The following FBXL13 variants were observed in gnomAD, a reference collection of about 807,000 sequenced individuals.
FBXL13 encodes F-box and leucine-rich repeat protein 13.
A neutral mutation model predicts 83.6 loss-of-function variants in FBXL13; 67 were observed. The ratio of observed to expected loss-of-function variants is 0.80; its 90% CI spans 0.66 to 0.98. FBXL13 has a LOEUF of 0.98. FBXL13 is among the 50% of genes least tolerant of loss of function. The pLI, the probability that FBXL13 is intolerant of heterozygous loss-of-function variation, is 0.00. For synonymous variants in FBXL13, 272 were observed against 299.5 expected (o/e 0.91, Z 0.95); for missense variants, 822 against 866.5 (o/e 0.95, Z 0.64).
At chr7:102,818,277 T>A (rs1394474170) in intron 19 of FBXL13, among the ~76,000 whole-genome samples, 1 of 152,226 alleles carries the variant, frequency 6.6e-6, no homozygotes, top group Non-Finnish European at 1.5e-5. Flanking sequence ...GAATGTAATA[T>A]AAAGGCGAAG....
intron 8 of FBXL13, among the ~76,000 whole-genome samples, chr7:102,948,753 C>A (rs891429784): frequency 2.6e-5 from 4 of 151,372 alleles, no homozygotes; most frequent in African/African-American, 9.7e-5. Context: ...GCTCTGTCAC[C>A]CAAGCTGAAG....
At chr7:103,018,440 C>A (rs1313244870) in intron 6 of FBXL13, among the ~76,000 whole-genome samples, 1 of 152,164 alleles carries the variant, frequency 6.6e-6, no homozygotes, top group Admixed American at 6.5e-5. Flanking sequence ...AACCAGCTAA[C>A]ATCATAATGA....
Position 103,072,145 on chromosome 7 carries a change from T to C in FBXL13, c.-105+2101A>G, listed in dbSNP as rs146026032. Among the ~76,000 whole-genome samples the C allele has an allele frequency of 8.7e-3, 1,314 of 151,306 alleles. 19 individuals are homozygous for C. Among genetic ancestry groups the C allele is most frequent in the African/African-American group, 0.03 (1,237 of 41,098 alleles). ...TTGCAGTGAGCTGAGATGGCACCAC[T>C]GCACTCTAGACTGGGCGACAGAGCT... is the stretch of plus-strand genomic sequence containing the variant. On this transcript the variant is annotated intron_variant, in intron 1 of 19. Transcript: ENST00000313221.
intron 15 of FBXL13, among the ~76,000 whole-genome samples, chr7:102,877,911 C>G (rs746779345): frequency 2.0e-5 from 3 of 151,976 alleles, no homozygotes; most frequent in Non-Finnish European, 4.4e-5. Context: ...AGTTAAGAAC[C>G]CTACTTATCC....
chr7:102,971,975 A>G (rs897899199), intron 6 of FBXL13, among the ~76,000 whole-genome samples: 2 of 151,942 alleles, frequency 1.3e-5, no homozygotes, highest in Non-Finnish European at 2.9e-5. Context: ...GCAGTGAGCC[A>G]AGATTGTGCC....
intron 8 of FBXL13, among the ~76,000 whole-genome samples, chr7:102,948,573 G>A (rs563862442): frequency 7.7e-4 from 117 of 151,602 alleles, no homozygotes; most frequent in Admixed American, 5.9e-3. Flanking sequence ...ACAGGTGCCC[G>A]CCACCACACC....
At chr7:103,067,606 C>A (rs1798522760) in intron 1 of FBXL13, among the ~76,000 whole-genome samples, 1 of 152,202 alleles carries the variant, frequency 6.6e-6, no homozygotes, top group African/African-American at 2.4e-5. Flanking sequence ...AGATGTTACA[C>A]ATAGATGTTC....
chr7:102,880,564 T>C (rs1381309112), intron 14 of FBXL13, among the ~76,000 whole-genome samples: 3 of 152,246 alleles, frequency 2.0e-5, no homozygotes, highest in African/African-American at 7.2e-5. Flanking sequence ...CATTTTTTAT[T>C]TCTTCAAACA....
chr7:102,997,334 A>G (rs1018620760), intron 6 of FBXL13, among the ~76,000 whole-genome samples: 2 of 152,226 alleles, frequency 1.3e-5, no homozygotes, highest in Admixed American at 1.3e-4. Context: ...GGTACACGTG[A>G]TATTTTAATA....
chr7:102,976,511 C>T (rs1469648716), intron 6 of FBXL13, among the ~76,000 whole-genome samples: 1 of 152,190 alleles, frequency 6.6e-6, no homozygotes, highest in Non-Finnish European at 1.5e-5. Flanking sequence ...ACGCATCAAC[C>T]CAAACCCCTC....
chr7:103,072,817 C>A (rs1413923437), intron 1 of FBXL13, among the ~76,000 whole-genome samples: 1 of 152,230 alleles, frequency 6.6e-6, no homozygotes, highest in Non-Finnish European at 1.5e-5. Context: ...TCTCATTTCC[C>A]ACTGAGTCCT....
chr7:102,926,154 G>T, intron 10 of FBXL13, 120 bp downstream of exon 11: 3 of 741,710 alleles, frequency 4.0e-6, no homozygotes, highest in Non-Finnish European at 6.6e-6. Context: ...TATCAGAAAA[G>T]CAGTGCCACA....
chr7:103,014,371 T>C (rs924817411), intron 6 of FBXL13, among the ~76,000 whole-genome samples: 2 of 151,034 alleles, frequency 1.3e-5, no homozygotes, highest in African/African-American at 4.9e-5. Context: ...AAAAATCAAA[T>C]CAGTAATAAA....
chr7:102,934,681 G>A, intron 8 of FBXL13: 1 of 1,582,274 alleles, frequency 6.3e-7, no homozygotes, highest in Non-Finnish European at 8.5e-7. Flanking sequence ...ACTGCAAAAG[G>A]AAAGGTTTGT....
exon 6 of FBXL13, chr7:103,025,180 G>A (rs1403482903): frequency 6.2e-7 from 1 of 1,605,734 alleles, no homozygotes; most frequent in East Asian, 2.2e-5. Flanking sequence ...CAGCTCTTTT[G>A]AGTATTAACC....
At chr7:102,819,643 G>C (rs754807669) in intron 19 of FBXL13, among the ~76,000 whole-genome samples, 2 of 152,156 alleles carry the variant, frequency 1.3e-5, no homozygotes, top group Non-Finnish European at 2.9e-5. Context: ...TCAAGCATGT[G>C]GAGAGCATTG....
chr7:102,963,957 C>A (rs1006059165), intron 7 of FBXL13, among the ~76,000 whole-genome samples: 15 of 152,132 alleles, frequency 9.9e-5, no homozygotes, highest in Admixed American at 6.6e-5. Flanking sequence ...AGAAGAAATA[C>A]AAGTGGCCAA....
chr7:102,909,430 C>A (rs1814297166), intron 11 of FBXL13, among the ~76,000 whole-genome samples: 1 of 152,080 alleles, frequency 6.6e-6, no homozygotes, highest in African/African-American at 2.4e-5. Context: ...TAAGACTGTC[C>A]CCACTGCTTT....
intron 2 of FBXL13, among the ~76,000 whole-genome samples, chr7:103,054,751 T>C (rs1020011382): frequency 1.3e-5 from 2 of 152,124 alleles, no homozygotes; most frequent in African/African-American, 2.4e-5. Flanking sequence ...AAAGAAAACA[T>C]CCTCTTGTAA....
Sources: gnomAD v4.1 joint callset for allele counts (sites outside exome capture counted in the v4.1 genomes callset) on GRCh38, gnomAD v4.1.1 for gene constraint, MANE v1.5 for transcripts, NCBI Gene and HGNC (gene_info 2026-07-23, HGNC 2026-07-21) for gene names.